ZNG1A: variants seen among roughly 807,000 people sequenced by gnomAD.
ZNG1A encodes Zn regulated GTPase metalloprotein activator 1A.
the ZNG1A span, among the ~76,000 whole-genome samples, chr9:177,166 G>A: frequency 6.6e-6 from 1 of 152,136 alleles, no homozygotes; most frequent in Non-Finnish European, 1.5e-5. Context: ...TTCATTGTGC[G>A]GGGCCAATTT....
chr9:152,690 C>T, the ZNG1A span, among the ~76,000 whole-genome samples: 1 of 151,772 alleles, frequency 6.6e-6, no homozygotes, highest in Non-Finnish European at 1.5e-5. Context: ...CCAAAAAGTA[C>T]CTGTTAAATT....
the ZNG1A span, among the ~76,000 whole-genome samples, chr9:139,276 A>C: frequency 6.6e-6 from 1 of 150,888 alleles, no homozygotes; most frequent in Non-Finnish European, 1.5e-5. Context: ...AGAAAGACAA[A>C]TAATGCATGA....
At chr9:178,095 G>T in the ZNG1A span, among the ~76,000 whole-genome samples, 3 of 150,426 alleles carry the variant, frequency 2.0e-5, no homozygotes, top group Non-Finnish European at 2.9e-5. Context: ...TTAACTGTAA[G>T]GTTTAAAAAT....
chr9:174,874 G>A, the ZNG1A span, among the ~76,000 whole-genome samples: 1 of 150,448 alleles, frequency 6.6e-6, no homozygotes, highest in African/African-American at 2.5e-5. Flanking sequence ...TAATATTTCA[G>A]TTGAGAAGTT....
the ZNG1A span, among the ~76,000 whole-genome samples, chr9:131,540 A>G: frequency 6.8e-6 from 1 of 146,862 alleles, no homozygotes; most frequent in East Asian, 2.0e-4. Flanking sequence ...CTATACTATA[A>G]TATCTGGCCA....
chr9:172,363 T>C, the ZNG1A span: 1 of 598,832 alleles, frequency 1.7e-6, no homozygotes, highest in East Asian at 3.0e-5. Flanking sequence ...TAGATGCATA[T>C]ATATAATAGG....
chr9:170,613 T>C, the ZNG1A span, among the ~76,000 whole-genome samples: 1 of 148,982 alleles, frequency 6.7e-6, no homozygotes, highest in Non-Finnish European at 1.5e-5. Flanking sequence ...CTTGAACTCC[T>C]GGCCTCAAGG....
the ZNG1A span, among the ~76,000 whole-genome samples, chr9:138,541 GA>G: frequency 0.22 from 30,571 of 139,484 alleles, 3,390 homozygotes; most frequent in Admixed American, 0.26. Context: ...ACTGAAGGTG[GA>G]AAAAAAAAAA....
the ZNG1A span, among the ~76,000 whole-genome samples, chr9:157,659 T>C: frequency 6.6e-6 from 1 of 151,124 alleles, no homozygotes; most frequent in African/African-American, 2.4e-5. Context: ...ACTTTTTTTT[T>C]TTAATTGAAC....
the ZNG1A span, among the ~76,000 whole-genome samples, chr9:140,188 G>T: frequency 1.3e-5 from 2 of 151,720 alleles, no homozygotes; most frequent in South Asian, 4.2e-4. Context: ...GCCTGCCTCT[G>T]TAGGCTCCAC....
chr9:124,079 CT>C, the ZNG1A span, among the ~76,000 whole-genome samples: 1 of 152,280 alleles, frequency 6.6e-6, no homozygotes, highest in African/African-American at 2.4e-5. Flanking sequence ...GGATAATGCC[CT>C]CTTTGGCTTT....
At chr9:167,089 C>A in the ZNG1A span, 4 of 142,682 alleles carry the variant, frequency 2.8e-5, no homozygotes, top group African/African-American at 1.0e-4. Context: ...AACTCTCAGG[C>A]ATTTTAGATT....
chr9:161,526 A>C, the ZNG1A span: 1 of 1,254,938 alleles, frequency 8.0e-7, no homozygotes, highest in Non-Finnish European at 1.0e-6. Context: ...CAAAACAGAC[A>C]CTAATTTTTA....
chr9:159,781 C>T, the ZNG1A span, among the ~76,000 whole-genome samples: 1 of 151,836 alleles, frequency 6.6e-6, no homozygotes, highest in Non-Finnish European at 1.5e-5. Context: ...AATCTAGTGT[C>T]AAAGATGTCT....
At chr9:127,292 C>T in the ZNG1A span, among the ~76,000 whole-genome samples, 1 of 152,066 alleles carries the variant, frequency 6.6e-6, no homozygotes, top group South Asian at 2.1e-4. Flanking sequence ...AAATCCCTCA[C>T]TATTATTGTG....
At chr9:156,308 T>A in the ZNG1A span, among the ~76,000 whole-genome samples, 1 of 151,494 alleles carries the variant, frequency 6.6e-6, no homozygotes, top group African/African-American at 2.4e-5. Flanking sequence ...TAAGTAAAAG[T>A]TTAGTTATCA....
the ZNG1A span, among the ~76,000 whole-genome samples, chr9:162,910 T>C: frequency 6.6e-6 from 1 of 151,914 alleles, no homozygotes; most frequent in Non-Finnish European, 1.5e-5. Flanking sequence ...ATGAGACATC[T>C]TAAGGTATCA....
chr9:141,313 G>A, the ZNG1A span, among the ~76,000 whole-genome samples: 1 of 138,974 alleles, frequency 7.2e-6, no homozygotes. Flanking sequence ...TACCCTCAAA[G>A]GGAAGCCCAT....
At chr9:169,854 CTTTTTT>C in the ZNG1A span, among the ~76,000 whole-genome samples, 1 of 53,976 alleles carries the variant, frequency 1.9e-5, no homozygotes, top group Non-Finnish European at 3.4e-5. Flanking sequence ...ATAAACACAG[CTTTTTT>C]TTTTTTTTTT....
Sources: gnomAD v4.1 joint callset for allele counts (sites outside exome capture counted in the v4.1 genomes callset) on GRCh38, gnomAD v4.1.1 for gene constraint, MANE v1.5 for transcripts, NCBI Gene and HGNC (gene_info 2026-07-23, HGNC 2026-07-21) for gene names.